Variants in MLLT10 observed in about 807,000 individuals in gnomAD.
MLLT10 encodes the protein protein AF-10.
Under a neutral mutation model 129.1 loss-of-function variants are expected in MLLT10, and 30 were observed. The observed-to-expected ratio is 0.23, with a 90% CI of 0.17 to 0.32. The LOEUF (loss-of-function observed/expected upper bound fraction) is 0.32. Ranked by LOEUF, MLLT10 falls within the 10% of genes least tolerant of loss-of-function variation. MLLT10 has a pLI of 1.00. For synonymous variants in MLLT10, 490 were observed against 446.4 expected, an observed-to-expected ratio of 1.10 and a Z score of -1.23; for missense variants, 1,119 against 1,268.3, an observed-to-expected ratio of 0.88 and a Z score of 1.79.
At chr10:21,665,065 A>G (rs1589515788) in intron 9 of MLLT10, among the ~76,000 whole-genome samples, 1 of 143,864 alleles carries the variant, frequency 7.0e-6, no homozygotes, top group Non-Finnish European at 1.5e-5. Context: ...CCTGCCTCAG[A>G]CTTCCAAGTA....
At position 21,732,964 on chromosome 10, in the gene MLLT10, A is replaced by G. The variant is rs2058079823; in HGVS notation, c.2284A>G (p.Lys762Glu). 1 of 1,614,090 alleles carries G rather than the reference A, an allele frequency of 6.2e-7. No homozygotes were observed. Among genetic ancestry groups the G allele is most frequent in the African/African-American group, 1.3e-5 (1 of 75,060 alleles). Residue 762 changes from lysine to glutamate, a missense_variant, in exon 18 of 23, where the codon AAA becomes GAA. This residue lies in a region of MLLT10 where 1,004 missense variants were observed against 1,008.7 expected (regional missense o/e 1.00). Coordinates refer to ENST00000307729, the MANE Select transcript of MLLT10 (RefSeq NM_001195626.3). ...AAACCGAAGATTAGAGGAACAAATT[A>G]AAAACTTGACTGCCAAAAAGGAACG... Reference protein sequence around the residue: ...VENRRLEEQIKNLTAKKERLQ... With the variant: ...VENRRLEEQIENLTAKKERLQ...
In MLLT10 at chr10:21,659,796, A is replaced by G. The variant is rs192053861; in HGVS notation, c.795+8028A>G. Among the ~76,000 whole-genome samples the G allele has an allele frequency of 2.0e-3, 297 of 152,226 alleles. 3 individuals carry two copies. The highest frequency in any genetic ancestry group is 6.9e-3 in the African/African-American group (285 of 41,538). ...AAAGTGCTGGGATTACAGGTGAGCC[A>G]CAATGCCTGGCCTTAGTCTTGCTCT... On this transcript the variant is annotated intron_variant, in intron 9 of 22. Transcript: ENST00000307729.
intron 3 of MLLT10, among the ~76,000 whole-genome samples, chr10:21,562,241 A>G (rs562153651): frequency 6.7e-6 from 1 of 148,910 alleles, no homozygotes; most frequent in African/African-American, 2.5e-5. Context: ...TTTAGAACGT[A>G]TTTTTTTTTT....
chr10:21,580,102 T>G (rs1216464520), intron 3 of MLLT10, among the ~76,000 whole-genome samples: 3 of 151,230 alleles, frequency 2.0e-5, no homozygotes, highest in Non-Finnish European at 4.4e-5. Context: ...TACTGCAGCC[T>G]CAAACTCCCA....
intron 15 of MLLT10, 71 bp from the exon 16 acceptor site, chr10:21,727,785 T>C (rs2057637110): frequency 8.3e-7 from 1 of 1,198,222 alleles, no homozygotes; most frequent in South Asian, 1.3e-5. Flanking sequence ...TTAGGAAAAA[T>C]CAGGGCAAGA....
At chr10:21,616,133 T>C (rs575475695) in intron 7 of MLLT10, among the ~76,000 whole-genome samples, 1 of 152,146 alleles carries the variant, frequency 6.6e-6, no homozygotes, top group Non-Finnish European at 1.5e-5. Flanking sequence ...CCTTTGATGC[T>C]GAATGCTTTA....
intron 8 of MLLT10, among the ~76,000 whole-genome samples, chr10:21,644,825 G>A (rs920298577): frequency 2.0e-5 from 3 of 152,068 alleles, no homozygotes; most frequent in Admixed American, 6.6e-5. Flanking sequence ...GAGATGGGTT[G>A]TCATTGTGTT....
At chr10:21,663,598 T>C (rs972170165) in intron 9 of MLLT10, among the ~76,000 whole-genome samples, 1 of 150,336 alleles carries the variant, frequency 6.7e-6, no homozygotes, top group Non-Finnish European at 1.5e-5. Flanking sequence ...AGAGTCTTGC[T>C]CTGTCACCCA....
At chr10:21,552,548 C>T (rs1373112661) in intron 3 of MLLT10, among the ~76,000 whole-genome samples, 3 of 151,696 alleles carry the variant, frequency 2.0e-5, no homozygotes, top group Non-Finnish European at 2.9e-5. Flanking sequence ...CCTGCCACCA[C>T]GCCTGGCTAG....
At chr10:21,671,141 C>T (rs2051357771) in intron 10 of MLLT10, 1 of 160,458 alleles carries the variant, frequency 6.2e-6, no homozygotes, top group Admixed American at 6.0e-5. Flanking sequence ...GCCTCAGCCT[C>T]TTGAGTAGCT....
intron 3 of MLLT10, among the ~76,000 whole-genome samples, chr10:21,547,860 G>A (rs1588852032): frequency 1.3e-5 from 2 of 152,084 alleles, no homozygotes; most frequent in South Asian, 2.1e-4. Context: ...CTAAATAATC[G>A]TGTGTTTTAA....
chr10:21,704,205 T>A (rs2055234626), intron 13 of MLLT10, among the ~76,000 whole-genome samples: 1 of 150,496 alleles, frequency 6.6e-6, no homozygotes, highest in Middle Eastern at 3.5e-3. Flanking sequence ...GATGAGGTTT[T>A]GCCGTGTTGG....
chr10:21,618,160 T>G (rs2045450126), intron 8 of MLLT10, among the ~76,000 whole-genome samples: 1 of 152,204 alleles, frequency 6.6e-6, no homozygotes, highest in African/African-American at 2.4e-5. Flanking sequence ...TTTAGATCTC[T>G]TATCATTTTC....
chr10:21,706,172 C>T (rs1477810902), intron 13 of MLLT10, among the ~76,000 whole-genome samples: 1 of 152,184 alleles, frequency 6.6e-6, no homozygotes, highest in Non-Finnish European at 1.5e-5. Context: ...TACAAAATGC[C>T]TCTAGTCACC....
intron 14 of MLLT10, among the ~76,000 whole-genome samples, chr10:21,724,913 A>G (rs1005002470): frequency 6.6e-6 from 1 of 152,216 alleles, no homozygotes; most frequent in African/African-American, 2.4e-5. Flanking sequence ...ATGAATTACA[A>G]ACTTTGGACG....
chr10:21,618,326 T>C (rs1023105269), intron 8 of MLLT10, among the ~76,000 whole-genome samples: 26 of 151,520 alleles, frequency 1.7e-4, no homozygotes, highest in African/African-American at 5.3e-4. Flanking sequence ...TGAAACTGTG[T>C]CTCTACTAAA....
intron 11 of MLLT10, among the ~76,000 whole-genome samples, chr10:21,675,818 A>G (rs574743971): frequency 2.6e-5 from 4 of 152,340 alleles, no homozygotes; most frequent in East Asian, 3.9e-4. Context: ...CAGAAATTAC[A>G]TTGGAATGCT....
chr10:21,669,732 A>G (rs1182428268), intron 9 of MLLT10, among the ~76,000 whole-genome samples: 1 of 152,176 alleles, frequency 6.6e-6, no homozygotes, highest in Non-Finnish European at 1.5e-5. Flanking sequence ...TTATTTGGGT[A>G]TACCTTGTAT....
chr10:21,591,806 C>T (rs1466958229), intron 4 of MLLT10, among the ~76,000 whole-genome samples: 1 of 151,876 alleles, frequency 6.6e-6, no homozygotes, highest in African/African-American at 2.4e-5. Context: ...TCACTGCAAC[C>T]TCTACCTCCC....
Sources: gnomAD v4.1 joint callset for allele counts (sites outside exome capture counted in the v4.1 genomes callset) on GRCh38, gnomAD v4.1.1 for gene constraint, gnomAD v4.1.1 regional missense constraint, MANE v1.5 for transcripts, NCBI Gene and HGNC (gene_info 2026-07-23, HGNC 2026-07-21) for gene names.